The following BICD1 variants were observed in gnomAD, a reference collection of about 807,000 sequenced individuals.
BICD1 encodes BICD cargo adaptor 1.
In BICD1, 35 loss-of-function variants were observed where a neutral mutation model predicts 92.5. The ratio of observed to expected loss-of-function variants is 0.38; its 90% CI spans 0.29 to 0.50. The LOEUF is 0.50. Among genes scored for constraint, BICD1 ranks in the 20% least tolerant of loss-of-function variants. The probability of loss-of-function intolerance (pLI) is 0.93; values close to 1 mark genes in which losing one functional copy is unlikely to be tolerated. For synonymous variants in BICD1, 429 were observed against 465.1 expected, an observed-to-expected ratio of 0.92 and a Z score of 1.00; for missense variants, 950 against 1,189.8, an observed-to-expected ratio of 0.80 and a Z score of 2.97.
chr12:32,260,274 T>C (rs1946824371), intron 2 of BICD1, among the ~76,000 whole-genome samples: 1 of 152,166 alleles, frequency 6.6e-6, no homozygotes, highest in South Asian at 2.1e-4. Context: ...GTTTAAAAAT[T>C]ATGACATTTA....
chr12:32,238,289 G>A (rs6488039), intron 2 of BICD1, among the ~76,000 whole-genome samples: 19,131 of 152,028 alleles, frequency 0.13, 1,997 homozygotes, highest in African/African-American at 0.28. Context: ...TAAATATGGT[G>A]GAAATAGCAA....
chr12:32,118,281 C>T (rs1221386974), intron 1 of BICD1, among the ~76,000 whole-genome samples: 3 of 150,512 alleles, frequency 2.0e-5, no homozygotes, highest in African/African-American at 7.3e-5. Flanking sequence ...TGGGGTTTCA[C>T]CGTGTTAGCC....
At position 32,122,488 on chromosome 12, in the gene BICD1, C is replaced by CA. The variant is rs11336919; in HGVS notation, c.213+14959dup. On this transcript the variant is annotated intron_variant, in intron 1 of 9. Coordinates refer to ENST00000652176, the MANE Select transcript of BICD1 (RefSeq NM_001714.4). ...TGGGCGACAGAGCAAGACTCCGTTT[C>CA]AAAAAAAAAAAAAAACAAATAACAA... Among the ~76,000 whole-genome samples, 34 of 140,420 alleles carry CA rather than the reference C, an allele frequency of 2.4e-4. 1 individual carries two copies. Among genetic ancestry groups the CA allele is most frequent in the Admixed American group, 1.1e-3 (15 of 14,082 alleles). The allele number at this position is 140,420 out of a possible 152,430, so 92.1% of individuals were successfully genotyped here. A position where few individuals can be genotyped will look rare whatever the true frequency, so the allele number is the denominator to read the frequency against.
At chr12:32,167,683 T>C (rs1592405732) in intron 1 of BICD1, among the ~76,000 whole-genome samples, 2 of 152,320 alleles carry the variant, frequency 1.3e-5, no homozygotes, top group East Asian at 3.9e-4. Flanking sequence ...CTCAAACTCC[T>C]GACCTCAGGT....
intron 3 of BICD1, among the ~76,000 whole-genome samples, chr12:32,296,479 G>A (rs986137330): frequency 2.0e-5 from 3 of 151,492 alleles, no homozygotes; most frequent in Non-Finnish European, 1.5e-5. Context: ...GGATGGTCTC[G>A]ATCTCCTGAC....
intron 2 of BICD1, among the ~76,000 whole-genome samples, chr12:32,262,147 T>G (rs1331119140): frequency 6.6e-6 from 1 of 152,230 alleles, no homozygotes; most frequent in Non-Finnish European, 1.5e-5. Flanking sequence ...ACAGTGCAAA[T>G]GCAGCTCATT....
Position 32,378,807 on chromosome 12 carries a change from ACACT to A in BICD1, c.*1183_*1186del, listed in dbSNP as rs1254767827. 6.6e-6 allele frequency: 1 copy of A among 152,240 alleles called. No homozygotes were observed. Among genetic ancestry groups the A allele is most frequent in the Non-Finnish European group, 1.5e-5 (1 of 68,036 alleles). 9.4% of individuals were successfully genotyped at this position (152,240 alleles called of 1,614,324 possible). A position where few individuals can be genotyped will look rare whatever the true frequency, so the allele number is the denominator to read the frequency against. ...TTAGCTCATTGTCTACTTTTGACAA[ACACT>A]CAGGTGCCTACAAACATTCTATTAT... is the stretch of plus-strand genomic sequence containing the variant. On this transcript the variant is annotated 3_prime_UTR_variant, in exon 10 of 10. Transcript: ENST00000652176.
chr12:32,226,215 G>T (rs1374630937), intron 2 of BICD1, among the ~76,000 whole-genome samples: 4 of 151,892 alleles, frequency 2.6e-5, no homozygotes, highest in African/African-American at 9.7e-5. Flanking sequence ...GCTCACTGCA[G>T]CCTCCACCTC....
intron 1 of BICD1, among the ~76,000 whole-genome samples, chr12:32,152,086 A>G (rs1243987568): frequency 1.3e-5 from 2 of 151,922 alleles, no homozygotes; most frequent in Non-Finnish European, 2.9e-5. Context: ...ACTCCTGAGT[A>G]GCTGGGACTA....
chr12:32,300,629 GTATTT>G (rs1948013123), intron 3 of BICD1, among the ~76,000 whole-genome samples: 3 of 108,300 alleles, frequency 2.8e-5, no homozygotes, highest in African/African-American at 1.1e-4. Context: ...TGACTTTACA[GTATTT>G]TTTTTTTTTT....
At chr12:32,376,582 G>C (rs2136346932) in intron 9 of BICD1, among the ~76,000 whole-genome samples, 1 of 151,028 alleles carries the variant, frequency 6.6e-6, no homozygotes, top group Non-Finnish European at 1.5e-5. Context: ...AATGGGAAAT[G>C]TTAGGCTGGG....
chr12:32,185,082 A>G (rs902727546), intron 1 of BICD1, among the ~76,000 whole-genome samples: 1 of 152,158 alleles, frequency 6.6e-6, no homozygotes, highest in Non-Finnish European at 1.5e-5. Context: ...AGCCTTCACT[A>G]TTTGGCAGGG....
Position 32,306,016 on chromosome 12 carries a change from A to G in BICD1, c.899A>G (p.Tyr300Cys), listed in dbSNP as rs199502236. The G allele has an allele frequency of 1.1e-5, 17 of 1,614,174 alleles. No homozygotes were observed. Among genetic ancestry groups the G allele is most frequent in the Non-Finnish European group, 1.4e-5 (16 of 1,180,006 alleles). Residue 300 changes from tyrosine to cysteine, a missense_variant, in exon 4 of 10, where the codon TAT (tyrosine) becomes TGT (cysteine). Physicochemically the swap from Tyr to Cys is radical, Grantham distance 194 (BLOSUM62 -2). This residue lies in a region of BICD1 where 246 missense variants were observed against 258.4 expected (regional missense o/e 0.95). Transcript: ENST00000652176. ...CCTCTTGTGAAACTGAATGGAGACT[A>G]TCGGACTCCCACCTTAAGGAAAGGA... ...HGPLVKLNGD[Y>C]RTPTLRKGES...
At chr12:32,166,162 G>A (rs1943764066) in intron 1 of BICD1, among the ~76,000 whole-genome samples, 1 of 80,326 alleles carries the variant, frequency 1.2e-5, no homozygotes, top group African/African-American at 4.1e-5. Context: ...TGGAGCCAGC[G>A]TTTCGTTCTG....
intron 1 of BICD1, among the ~76,000 whole-genome samples, chr12:32,214,439 A>G (rs1335978424): frequency 2.6e-5 from 4 of 152,132 alleles, no homozygotes; most frequent in East Asian, 3.8e-4. Flanking sequence ...GCCTATGACT[A>G]TCTACCTATT....
chr12:32,212,562 T>C (rs900590995), intron 1 of BICD1, among the ~76,000 whole-genome samples: 2 of 152,148 alleles, frequency 1.3e-5, no homozygotes, highest in African/African-American at 2.4e-5. Context: ...GTAGCTGGGA[T>C]TACAGGCATG....
chr12:32,172,584 A>T (rs1943976977), intron 1 of BICD1, among the ~76,000 whole-genome samples: 1 of 152,172 alleles, frequency 6.6e-6, no homozygotes, highest in African/African-American at 2.4e-5. Flanking sequence ...GTTTTAAAGG[A>T]GTGGAAAGCT....
chr12:32,367,592 A>T (rs924145766), intron 8 of BICD1, 78 bp from the exon 9 acceptor site: 8 of 1,319,376 alleles, frequency 6.1e-6, no homozygotes, highest in Non-Finnish European at 8.7e-6. Context: ...TCTCTCAGGC[A>T]GCTGCTTTAG....
chr12:32,338,651 AG>A, intron 7 of BICD1, 134 bp from the exon 8 acceptor site: 6 of 737,526 alleles, frequency 8.1e-6, no homozygotes, highest in South Asian at 2.2e-5. Context: ...AAAAAAAAAA[AG>A]CAAAAAGATT....
Sources: gnomAD v4.1 joint callset for allele counts (sites outside exome capture counted in the v4.1 genomes callset) on GRCh38, gnomAD v4.1.1 for gene constraint, gnomAD v4.1.1 regional missense constraint, MANE v1.5 for transcripts, NCBI Gene and HGNC (gene_info 2026-07-23, HGNC 2026-07-21) for gene names.